The following PCDHGA1 variants were observed in gnomAD, a reference collection of about 807,000 sequenced individuals.
PCDHGA1 encodes protocadherin gamma subfamily A, 1.
PCDHGA1 carries 32 observed loss-of-function variants against 58.0 expected under a neutral mutation model. The ratio of observed to expected loss-of-function variants is 0.55; its 90% CI spans 0.42 to 0.74. The LOEUF (loss-of-function observed/expected upper bound fraction) is 0.74. Among genes scored for constraint, PCDHGA1 ranks in the 30% least tolerant of loss-of-function variants. The pLI is 0.00. For synonymous variants in PCDHGA1, 498 were observed against 501.1 expected, an observed-to-expected ratio of 0.99 and a Z score of 0.08; for missense variants, 1,205 against 1,182.3, an observed-to-expected ratio of 1.02 and a Z score of -0.28.
intron 1 of PCDHGA1, among the ~76,000 whole-genome samples, chr5:141,459,755 G>A (rs1383912891): frequency 2.0e-5 from 3 of 152,182 alleles, no homozygotes; most frequent in African/African-American, 7.2e-5. Flanking sequence ...CAATTCTAGT[G>A]GGTGTGTGAT....
intron 1 of PCDHGA1, chr5:141,397,964 T>A: frequency 9.4e-7 from 1 of 1,060,074 alleles, no homozygotes; most frequent in Non-Finnish European, 1.3e-6. Context: ...CAGCTCAGAC[T>A]CCCCAGCGCC....
chr5:141,421,233 G>T (rs201076931), intron 1 of PCDHGA1: 2 of 1,592,240 alleles, frequency 1.3e-6, no homozygotes, highest in Non-Finnish European at 1.7e-6. Flanking sequence ...CTGCCATGGC[G>T]AATCGGCTAC....
chr5:141,393,428 G>A (rs1043256482), intron 1 of PCDHGA1: 2 of 1,614,042 alleles, frequency 1.2e-6, no homozygotes, highest in Admixed American at 1.7e-5. Flanking sequence ...GGGAGGAAGA[G>A]GCTGCTCACC....
intron 1 of PCDHGA1, chr5:141,392,511 A>C (rs1368500575): frequency 4.2e-6 from 1 of 240,354 alleles, no homozygotes; most frequent in Non-Finnish European, 7.9e-6. Flanking sequence ...TTTTTTTCTC[A>C]GTAATCTAGT....
chr5:141,355,731 C>T, intron 1 of PCDHGA1: 1 of 1,614,004 alleles, frequency 6.2e-7, no homozygotes, highest in Non-Finnish European at 8.5e-7. Context: ...CAAACGGTTA[C>T]TTTTCCCTGG....
chr5:141,339,322 T>C (rs764250700), intron 1 of PCDHGA1: 1 of 1,614,256 alleles, frequency 6.2e-7, no homozygotes, highest in African/African-American at 1.3e-5. Flanking sequence ...TGACTATTTA[T>C]TCAGTAGAGG....
At chr5:141,505,767 AGGTCCTAGCTCT>A (rs2099848180) in intron 3 of PCDHGA1, among the ~76,000 whole-genome samples, 1 of 151,756 alleles carries the variant, frequency 6.6e-6, no homozygotes, top group Non-Finnish European at 1.5e-5. Context: ...AGTGTAGCTC[AGGTCCTAGCTCT>A]GCTACTATCC....
At chr5:141,393,304 T>G (rs1317637425) in intron 1 of PCDHGA1, 3 of 1,613,680 alleles carry the variant, frequency 1.9e-6, no homozygotes, top group Admixed American at 1.7e-5. Context: ...GATGTGGGCG[T>G]GAACTCCCTC....
chr5:141,368,627 T>A (rs1237870416), intron 1 of PCDHGA1, among the ~76,000 whole-genome samples: 1 of 152,216 alleles, frequency 6.6e-6, no homozygotes, highest in Admixed American at 6.5e-5. Flanking sequence ...ACATTTCTTC[T>A]GAGTTAAATG....
intron 3 of PCDHGA1, among the ~76,000 whole-genome samples, chr5:141,505,989 T>C (rs1275642739): frequency 6.6e-6 from 1 of 152,136 alleles, no homozygotes; most frequent in Non-Finnish European, 1.5e-5. Context: ...ACACCTCCTC[T>C]TTATGCGAGG....
In PCDHGA1 at chr5:141,332,071, G is replaced by A. The variant is rs769162898; in HGVS notation, c.1387G>A (p.Glu463Lys). ...HQDSYSAYIP[E>K]NNPRGASIFS... ...GGACTCCTACTCTGCCTACATTCCC[G>A]AAAACAACCCCAGAGGAGCCTCCAT... Residue 463 changes from glutamate to lysine, a missense_variant, in exon 1 of 4, where the codon GAA (glutamate) becomes AAA (lysine). Transcript: ENST00000517417. The surrounding 1 kb of genome is among the most constrained non-coding windows in gnomAD (Gnocchi z 4.6). 6 of 1,613,978 alleles carry A rather than the reference G, an allele frequency of 3.7e-6. No individual in the cohort carries two copies. The highest frequency in any genetic ancestry group is 2.2e-5 in the South Asian group (2 of 91,062).
At chr5:141,507,865 T>C (rs2099864402) in intron 3 of PCDHGA1, among the ~76,000 whole-genome samples, 1 of 152,128 alleles carries the variant, frequency 6.6e-6, no homozygotes. Context: ...CACACCCGCT[T>C]CCTAGCCCTG....
chr5:141,398,914 C>G, intron 1 of PCDHGA1: 1 of 1,613,964 alleles, frequency 6.2e-7, no homozygotes, highest in Non-Finnish European at 8.5e-7. Flanking sequence ...CACTGTGTTG[C>G]AAGTGTCAGC....
intron 1 of PCDHGA1, chr5:141,370,991 C>T (rs753428613): frequency 4.3e-6 from 7 of 1,613,954 alleles, no homozygotes; most frequent in Non-Finnish European, 5.9e-6. Flanking sequence ...TGAAAGCACC[C>T]CTGGACAGGG....
chr5:141,439,800 T>C (rs1393580217), intron 1 of PCDHGA1: 1 of 152,300 alleles, frequency 6.6e-6, no homozygotes, highest in Admixed American at 6.5e-5. Context: ...CAAGAAGAGT[T>C]TGAAAAGGGG....
At chr5:141,339,961 A>T in intron 1 of PCDHGA1, 3 of 1,614,170 alleles carry the variant, frequency 1.9e-6, no homozygotes, top group Non-Finnish European at 2.5e-6. Context: ...TTCTAACCAG[A>T]GCGAAGGTTA....
At position 141,360,209 on chromosome 5, in the gene PCDHGA1, TC is replaced by T. The variant is rs774225150; in HGVS notation, c.2421+27108del. The stretch of plus-strand genomic sequence containing the variant: ...CTGTTGCCCTTCCTGTTGTCTTTGT[TC>T]CCCGGGGCTCTCCCAGTCCAGATCC... On this transcript the variant is annotated intron_variant, in intron 1 of 3. Transcript: ENST00000517417. The T allele has an allele frequency of 6.2e-6, 10 of 1,613,002 alleles. No individual in the cohort carries two copies. In the South Asian group the frequency reaches 6.6e-5, roughly 11 times the overall value.
Position 141,418,614 on chromosome 5 carries a change from G to A in PCDHGA1, c.2422-76193G>A, listed in dbSNP as rs777074200. ...CAGGACGTGTACAGGGTTAGCCTTC[G>A]GGAAGACGTGCCTCCAGGCACCTCC... is the stretch of plus-strand genomic sequence containing the variant. On this transcript the variant is annotated intron_variant, in intron 1 of 3. Transcript: ENST00000517417. The A allele has an allele frequency of 5.0e-6, 8 of 1,613,876 alleles. No homozygotes were observed. In the East Asian group the frequency reaches 1.1e-4, roughly 22 times the overall value.
At chr5:141,386,071 T>C (rs1306390506) in intron 1 of PCDHGA1, 4 of 152,214 alleles carry the variant, frequency 2.6e-5, no homozygotes, top group Non-Finnish European at 5.9e-5. Context: ...CAGTATGTTG[T>C]TTTAGTGGTA....
Sources: allele counts gnomAD v4.1 joint callset (sites outside exome capture counted in the v4.1 genomes callset), GRCh38; gene constraint gnomAD v4.1.1; non-coding constraint Gnocchi (gnomAD v3.1); transcripts MANE v1.5; gene names NCBI Gene and HGNC (gene_info 2026-07-23, HGNC 2026-07-21).